The following PIWIL3 variants were observed in gnomAD, a reference collection of about 807,000 sequenced individuals.
PIWIL3 encodes piwi-like protein 3.
A neutral mutation model predicts 109.7 loss-of-function variants in PIWIL3; 101 were observed. The observed-to-expected ratio is 0.92, with a 90% CI of 0.78 to 1.09. The LOEUF (loss-of-function observed/expected upper bound fraction) is 1.09, where lower values mean the gene tolerates loss of function less well. Among genes scored for constraint, PIWIL3 ranks in the 50% least tolerant of loss-of-function variants. The probability of loss-of-function intolerance (pLI) is 0.00; values close to 1 mark genes in which losing one functional copy is unlikely to be tolerated. For synonymous variants in PIWIL3, 373 were observed against 376.4 expected (o/e 0.99, Z 0.10); for missense variants, 1,031 against 1,072.6 (o/e 0.96, Z 0.54).
chr22:24,757,461 G>A (rs1404868406), intron 4 of PIWIL3, among the ~76,000 whole-genome samples: 1 of 152,046 alleles, frequency 6.6e-6, no homozygotes, highest in Non-Finnish European at 1.5e-5. Flanking sequence ...GATGACAGAA[G>A]CTTTCCAGAA....
At chr22:24,744,598 A>AT (rs1191909470) in intron 12 of PIWIL3, among the ~76,000 whole-genome samples, 1 of 152,082 alleles carries the variant, frequency 6.6e-6, no homozygotes, top group East Asian at 1.9e-4. Flanking sequence ...AAAAACAGGA[A>AT]TAGCTATACT....
At chr22:24,727,814 A>G (rs1377268920) in intron 16 of PIWIL3, 136 bp downstream of exon 16, 1 of 703,488 alleles carries the variant, frequency 1.4e-6, no homozygotes, top group Non-Finnish European at 2.3e-6. Flanking sequence ...CAGAAAAATC[A>G]GGAGACTACA....
chr22:24,761,375 G>A (rs1356651826), intron 2 of PIWIL3, among the ~76,000 whole-genome samples: 1 of 152,158 alleles, frequency 6.6e-6, no homozygotes, highest in African/African-American at 2.4e-5. Flanking sequence ...CCAAGCGGAG[G>A]GAGTTGACAG....
intron 19 of PIWIL3, among the ~76,000 whole-genome samples, chr22:24,721,865 T>C (rs1365209822): frequency 1.3e-5 from 2 of 152,260 alleles, no homozygotes; most frequent in Non-Finnish European, 2.9e-5. Flanking sequence ...TAATTCATAA[T>C]GACTTGCATC....
At chr22:24,732,651 G>A (rs562420358) in intron 14 of PIWIL3, among the ~76,000 whole-genome samples, 1 of 152,002 alleles carries the variant, frequency 6.6e-6, no homozygotes, top group East Asian at 1.9e-4. Context: ...GTGAAACCCC[G>A]TCTCTACTAA....
In PIWIL3 at chr22:24,749,785, G is replaced by T. The variant is rs1924595309; in HGVS notation, c.1124C>A (p.Pro375Gln). The T allele has an allele frequency of 6.2e-7, 1 of 1,613,772 alleles. No individual in the cohort carries two copies. Among genetic ancestry groups the T allele is most frequent in the Non-Finnish European group, 8.5e-7 (1 of 1,179,996 alleles). The change falls in exon 10 of 21, where the codon CCA (proline) becomes CAA (glutamine). Residue 375 changes from proline (P) to glutamine (Q), a missense_variant. Physicochemically the swap from Pro to Gln is moderately conservative, Grantham distance 76. Coordinates refer to ENST00000616349, the MANE Select transcript of PIWIL3 (RefSeq NM_001255975.1). ...HKEIVTVKKQ[P>Q]LLVSQGRWKK... is the part of the protein sequence containing the mutation. ...CCATCTGCCCTGGCTGACCAAAAGTGGCTGTTTCTTCACTGTGACAATTTC... is the reference window on the plus strand; with the variant it reads ...CCATCTGCCCTGGCTGACCAAAAGTTGCTGTTTCTTCACTGTGACAATTTC...
In PIWIL3 at chr22:24,723,240, G is replaced by T; in HGVS notation, c.2247C>A (p.Phe749Leu). 1 of 1,611,088 alleles carries T rather than the reference G, an allele frequency of 6.2e-7. No individual in the cohort carries two copies. The highest frequency in any genetic ancestry group is 1.1e-5 in the South Asian group (1 of 91,004). ...TGTTTATTCGTTTCTTCACCACAAT[G>T]AAAGCTAGAGTGAAACTTAAAAAAA... ...TISPNNFTLA[F>L]IVVKKRINTR... Residue 749 changes from phenylalanine to leucine, a missense_variant, in exon 19 of 21, where the codon TTC (phenylalanine) becomes TTA (leucine). Transcript: ENST00000616349.
chr22:24,759,615 A>G (rs1925290491), intron 3 of PIWIL3, among the ~76,000 whole-genome samples: 1 of 152,240 alleles, frequency 6.6e-6, no homozygotes, highest in African/African-American at 2.4e-5. Context: ...TGTCATCTAA[A>G]TTTGAAAAGC....
At chr22:24,758,148 G>A in intron 3 of PIWIL3, 109 bp from the exon 4 acceptor site, 1 of 1,297,286 alleles carries the variant, frequency 7.7e-7, no homozygotes, top group South Asian at 1.5e-5. Context: ...TGCCACCCAA[G>A]GTTCCAAAAC....
intron 12 of PIWIL3, among the ~76,000 whole-genome samples, chr22:24,736,403 G>C (rs1923660033): frequency 6.6e-6 from 1 of 152,198 alleles, no homozygotes; most frequent in African/African-American, 2.4e-5. Flanking sequence ...GAGCTTTTCA[G>C]TGCTGTTAGA....
At chr22:24,723,365 A>G in intron 18 of PIWIL3, 110 bp from the exon 19 acceptor site, 2 of 1,134,910 alleles carry the variant, frequency 1.8e-6, no homozygotes, top group Non-Finnish European at 2.5e-6. Context: ...AAGAACAGAC[A>G]GCAGCCCTCC....
At chr22:24,749,377 A>G (rs777262711) in intron 11 of PIWIL3, 27 bp downstream of exon 11, 1 of 1,612,080 alleles carries the variant, frequency 6.2e-7, no homozygotes, top group Non-Finnish European at 8.5e-7. Context: ...ACATGTACAC[A>G]CACTCAGCCA....
chr22:24,719,695 G>T, intron 20 of PIWIL3, 53 bp downstream of exon 20: 1 of 1,572,410 alleles, frequency 6.4e-7, no homozygotes, highest in African/African-American at 1.4e-5. Flanking sequence ...ATTGTTCAAT[G>T]TTGAATAGTA....
intron 7 of PIWIL3, among the ~76,000 whole-genome samples, 159 bp downstream of exon 7, chr22:24,754,621 CTCTT>C (rs1291885313): frequency 6.6e-6 from 1 of 152,166 alleles, no homozygotes; most frequent in Non-Finnish European, 1.5e-5. Flanking sequence ...TTTAAAGTAA[CTCTT>C]ACTGAGTTGA....
At chr22:24,762,601 T>C (rs1925504768) in intron 1 of PIWIL3, 80 bp from the exon 2 acceptor site, 3 of 1,167,782 alleles carry the variant, frequency 2.6e-6, no homozygotes, top group Non-Finnish European at 3.5e-6. Flanking sequence ...CAACAGAATA[T>C]CTGAGGCTGG....
intron 7 of PIWIL3, 79 bp downstream of exon 7, chr22:24,754,705 C>G (rs538576380): frequency 8.2e-7 from 1 of 1,218,640 alleles, no homozygotes; most frequent in Non-Finnish European, 1.2e-6. Flanking sequence ...CATACCACTT[C>G]AAATATGAAA....
intron 12 of PIWIL3, among the ~76,000 whole-genome samples, chr22:24,745,933 C>T (rs950051739): frequency 6.6e-6 from 1 of 152,020 alleles, no homozygotes; most frequent in African/African-American, 2.4e-5. Context: ...CCAGAACAGA[C>T]CAATAACAAG....
In PIWIL3 at chr22:24,719,362, T is replaced by G; in HGVS notation, c.*110A>C. On this transcript the variant is annotated 3_prime_UTR_variant, in exon 21 of 21. Coordinates refer to ENST00000616349, the MANE Select transcript of PIWIL3 (RefSeq NM_001255975.1). ...CTCTCCTGTGTCCAATCAAAAACGA[T>G]GAGAATTTAATGCTATGGACCTAGG... 3.7e-4 allele frequency: 303 copies of G among 814,976 alleles called. No individual in the cohort carries two copies. The highest frequency in any genetic ancestry group is 5.3e-4 in the Non-Finnish European group (274 of 518,912). The allele number at this position is 814,976 out of a possible 1,614,324, so 50.5% of individuals were successfully genotyped here.
chr22:24,743,635 G>GT (rs1423784899), intron 12 of PIWIL3, among the ~76,000 whole-genome samples: 3 of 152,096 alleles, frequency 2.0e-5, no homozygotes, highest in Non-Finnish European at 2.9e-5. Flanking sequence ...ATGCAAAGGC[G>GT]TAAGAATGAT....
Sources: allele counts gnomAD v4.1 joint callset (sites outside exome capture counted in the v4.1 genomes callset), GRCh38; gene constraint gnomAD v4.1.1; transcripts MANE v1.5; gene names NCBI Gene and HGNC (gene_info 2026-07-23, HGNC 2026-07-21).